Variants in TTC7B observed in about 807,000 individuals in gnomAD.
TTC7B encodes the protein tetratricopeptide repeat domain 7B.
In TTC7B, 28 loss-of-function variants were observed where a neutral mutation model predicts 106.8. The observed-to-expected ratio is 0.26, with a 90% CI of 0.19 to 0.36. TTC7B has a LOEUF of 0.36. TTC7B is among the 10% of genes least tolerant of loss of function. The probability of loss-of-function intolerance (pLI) is 1.00; values close to 1 mark genes in which losing one functional copy is unlikely to be tolerated. For synonymous variants in TTC7B, 405 were observed against 430.6 expected, an observed-to-expected ratio of 0.94 and a Z score of 0.74; for missense variants, 862 against 1,076.4, an observed-to-expected ratio of 0.80 and a Z score of 2.79.
chr14:90,627,577 C>T (rs759078845), intron 15 of TTC7B, among the ~76,000 whole-genome samples: 12 of 152,196 alleles, frequency 7.9e-5, no homozygotes, highest in Non-Finnish European at 1.5e-4. Flanking sequence ...TGAGTGGCAG[C>T]GCTAGGGCCT....
intron 17 of TTC7B, among the ~76,000 whole-genome samples, chr14:90,597,078 A>T (rs1892236373): frequency 6.6e-6 from 1 of 152,268 alleles, no homozygotes; most frequent in Admixed American, 6.5e-5. Context: ...AAATTAAAAT[A>T]TAGAGAAGGA....
rs1376000120 is a variant in TTC7B at position 90,802,938 on chromosome 14, C to T, written c.121+13237G>A. ...GGCGGATCACCTAAGGTCAGAAGTT[C>T]GAGACCAACATGGTGAAACCCCATC... On this transcript the variant is annotated intron_variant, in intron 1 of 19. Transcript: ENST00000328459. This position sits in a 1 kb window ranked among gnomAD's most constrained non-coding sequence, Gnocchi z 4.7. Among the ~76,000 whole-genome samples the T allele has an allele frequency of 6.7e-6, 1 of 149,100 alleles. No homozygotes were observed. The highest frequency in any genetic ancestry group is 6.7e-5 in the Admixed American group (1 of 14,854).
intron 6 of TTC7B, among the ~76,000 whole-genome samples, chr14:90,695,050 T>C (rs1181376709): frequency 0.13 from 4,377 of 33,336 alleles, 231 homozygotes; most frequent in East Asian, 0.24. Context: ...TATTATAAAA[T>C]ATATTTTATT....
intron 1 of TTC7B, among the ~76,000 whole-genome samples, chr14:90,801,263 G>A (rs1277714653): frequency 2.7e-5 from 4 of 149,586 alleles, no homozygotes; most frequent in Non-Finnish European, 4.4e-5. Context: ...ATGCAGTGCC[G>A]GCAGCCTCTA....
chr14:90,659,354 G>A (rs79713007), intron 9 of TTC7B, among the ~76,000 whole-genome samples: 4 of 152,092 alleles, frequency 2.6e-5, no homozygotes, highest in African/African-American at 7.2e-5. Flanking sequence ...AGTTTAGCAC[G>A]GGAAATACTG....
intron 6 of TTC7B, among the ~76,000 whole-genome samples, chr14:90,694,795 TTTTA>T (rs1410354663): frequency 8.6e-5 from 12 of 138,994 alleles, no homozygotes; most frequent in East Asian, 4.2e-4. Context: ...TTTATATACA[TTTTA>T]TTATAAAACA....
At chr14:90,795,422 G>A (rs1043271640) in intron 1 of TTC7B, among the ~76,000 whole-genome samples, 1 of 152,230 alleles carries the variant, frequency 6.6e-6, no homozygotes, top group African/African-American at 2.4e-5. Context: ...TCACCAGGCA[G>A]AGTGTGGCAC....
At chr14:90,632,689 T>C (rs1350744371) in intron 15 of TTC7B, among the ~76,000 whole-genome samples, 1 of 152,258 alleles carries the variant, frequency 6.6e-6, no homozygotes, top group South Asian at 2.1e-4. Flanking sequence ...CGAGCACAGA[T>C]GGCGAGGCCA....
chr14:90,648,159 T>C (rs749553768), intron 13 of TTC7B, among the ~76,000 whole-genome samples: 6 of 152,118 alleles, frequency 3.9e-5, no homozygotes, highest in Non-Finnish European at 7.4e-5. Context: ...TAATAGCTCA[T>C]ATGCAGGTCC....
intron 5 of TTC7B, among the ~76,000 whole-genome samples, chr14:90,716,631 C>T (rs1888667276): frequency 6.6e-6 from 1 of 152,130 alleles, no homozygotes; most frequent in Admixed American, 6.5e-5. Flanking sequence ...AATTTACTAG[C>T]TCAAAATGTA....
chr14:90,616,824 C>T (rs550309714), intron 16 of TTC7B, among the ~76,000 whole-genome samples: 6 of 152,298 alleles, frequency 3.9e-5, no homozygotes, highest in African/African-American at 1.2e-4. Context: ...CCTCACCCTT[C>T]GTACTCATTT....
At chr14:90,720,394 C>A (rs1470327244) in intron 5 of TTC7B, among the ~76,000 whole-genome samples, 1 of 152,146 alleles carries the variant, frequency 6.6e-6, no homozygotes, top group Non-Finnish European at 1.5e-5. Context: ...ACAGCAAAAG[C>A]CTGTCTGGCT....
At chr14:90,589,093 C>A (rs1409397254) in intron 18 of TTC7B, among the ~76,000 whole-genome samples, 1 of 152,156 alleles carries the variant, frequency 6.6e-6, no homozygotes, top group Non-Finnish European at 1.5e-5. Flanking sequence ...TCTGAGAATT[C>A]ATTGTGTTGG....
rs562185519 is a variant in TTC7B, at chr14:90,679,506, C to T, written c.1014+966G>A. ...TCCCCTGGGCTGCCCCGGGGGTTGG[C>T]GGTAAGCGGTGACAACTATGGGGAG... On this transcript the variant is annotated intron_variant, in intron 8 of 19. Transcript: ENST00000328459. Among the ~76,000 whole-genome samples the T allele has an allele frequency of 9.2e-5, 14 of 152,250 alleles. No individual in the cohort carries two copies. The South Asian group carries it at 1.2e-3, about 14-fold the overall frequency.
rs1189700222 is a variant in TTC7B at position 90,536,369 on chromosome 14, G to A, written c.*4999C>T. On this transcript the variant is annotated 3_prime_UTR_variant, in exon 20 of 20. Transcript: ENST00000328459. ...CCATGGCTCCCAGCCCCGCATCCCT[G>A]ACACCTCCCACACTCTCGCCTCATC... is the stretch of plus-strand genomic sequence containing the variant. 6.5e-6 allele frequency: 1 copy of A among 153,028 alleles called. No individual in the cohort carries two copies. The highest frequency in any genetic ancestry group is 2.4e-5 in the African/African-American group (1 of 41,228). The allele number at this position is 153,028 out of a possible 1,614,324, so 9.5% of individuals were successfully genotyped here. A position where few individuals can be genotyped will look rare whatever the true frequency, so the allele number is the denominator to read the frequency against.
chr14:90,776,362 C>T (rs1183535384), intron 3 of TTC7B, among the ~76,000 whole-genome samples: 1 of 152,124 alleles, frequency 6.6e-6, no homozygotes, highest in Non-Finnish European at 1.5e-5. Context: ...CAAGCATGCG[C>T]ACTAAGGGGC....
intron 19 of TTC7B, among the ~76,000 whole-genome samples, chr14:90,576,835 T>C (rs28457014): frequency 0.047 from 7,216 of 152,320 alleles, 263 homozygotes; most frequent in African/African-American, 0.11. Flanking sequence ...GGCAAGATAA[T>C]GAAGGCTTTG....
chr14:90,692,699 A>G (rs1566839136), intron 6 of TTC7B, among the ~76,000 whole-genome samples: 1 of 152,240 alleles, frequency 6.6e-6, no homozygotes, highest in African/African-American at 2.4e-5. Flanking sequence ...AGCTGTTCAT[A>G]TTGACCAGTT....
intron 15 of TTC7B, among the ~76,000 whole-genome samples, chr14:90,618,867 T>G (rs1893195465): frequency 6.6e-6 from 1 of 152,226 alleles, no homozygotes; most frequent in South Asian, 2.1e-4. Context: ...GTCCCCTGAC[T>G]TACCCGCTCT....
Sources: gnomAD v4.1 joint callset for allele counts (sites outside exome capture counted in the v4.1 genomes callset) on GRCh38, gnomAD v4.1.1 for gene constraint, Gnocchi (gnomAD v3.1) non-coding constraint, MANE v1.5 for transcripts, NCBI Gene and HGNC (gene_info 2026-07-23, HGNC 2026-07-21) for gene names.